The following HAL variants were observed in gnomAD, a reference collection of about 807,000 sequenced individuals.
The protein encoded by HAL is histidine ammonia-lyase.
HAL carries 85 observed loss-of-function variants against 81.1 expected under a neutral mutation model. That is an observed-to-expected ratio of 1.05 (90% CI 0.88 to 1.25). The LOEUF (loss-of-function observed/expected upper bound fraction) is 1.25, where lower values mean the gene tolerates loss of function less well. Ranked by LOEUF, HAL falls within the 50% of genes most tolerant of loss-of-function variation. The pLI, the probability that HAL is intolerant of heterozygous loss-of-function variation, is 0.00. For missense variants in HAL, 798 were observed against 836.6 expected, an observed-to-expected ratio of 0.95 and a Z score of 0.57; for synonymous variants, 301 against 309.2, an observed-to-expected ratio of 0.97 and a Z score of 0.28.
intron 4 of HAL, 110 bp from the exon 5 acceptor site, chr12:95,994,274 G>A (rs17024981): frequency 0.086 from 69,809 of 808,262 alleles, 4,847 homozygotes; most frequent in East Asian, 0.3. Context: ...TGATCATTGC[G>A]TGAAACATGA....
intron 9 of HAL, among the ~76,000 whole-genome samples, chr12:95,991,201 A>G (rs1411104687): frequency 3.9e-5 from 6 of 152,236 alleles, no homozygotes. Context: ...TTCCACTTGT[A>G]GAAATTTTAG....
intron 20 of HAL, among the ~76,000 whole-genome samples, chr12:95,974,830 T>A (rs565225225): frequency 7.2e-4 from 110 of 152,200 alleles, no homozygotes; most frequent in African/African-American, 2.5e-3. Context: ...ACCTCCACCT[T>A]CCAGGTTCAA....
At chr12:95,980,469 C>T in intron 17 of HAL, 87 bp downstream of exon 17, 1 of 1,296,316 alleles carries the variant, frequency 7.7e-7, no homozygotes, top group Admixed American at 1.7e-5. Flanking sequence ...AGATCTCACT[C>T]ACAGACCACA....
intron 20 of HAL, chr12:95,976,142 A>G (rs2080716056): frequency 4.6e-6 from 2 of 436,042 alleles, no homozygotes; most frequent in Admixed American, 3.4e-5. Context: ...GGAGGCATCA[A>G]TGAACCTGAC....
intron 2 of HAL, 138 bp from the exon 3 acceptor site, chr12:95,995,131 G>A (rs1311720750): frequency 5.4e-6 from 4 of 736,106 alleles, no homozygotes; most frequent in Non-Finnish European, 2.5e-6. Flanking sequence ...ATGGTTTCAT[G>A]TGGTCTTAGC....
chr12:95,976,741 A>T (rs1565984696), intron 18 of HAL, 35 bp from the exon 19 acceptor site: 1 of 1,320,812 alleles, frequency 7.6e-7, no homozygotes, highest in South Asian at 1.2e-5. Flanking sequence ...TAGCTTATGA[A>T]AGTCTGACTT....
Position 95,974,327 on chromosome 12 carries a change from G to C in HAL, c.1879C>G (p.His627Asp). 6.2e-7 allele frequency: 1 copy of C among 1,611,852 alleles called. No individual in the cohort carries two copies. Among genetic ancestry groups the C allele is most frequent in the African/African-American group, 1.3e-5 (1 of 74,978 alleles). The change falls in exon 21 of 21, where the codon CAT becomes GAT. Residue 627 changes from histidine to aspartate, a missense_variant. His to Asp is a moderately conservative substitution (Grantham distance 81). Transcript: ENST00000261208. The stretch of plus-strand genomic sequence containing the variant: ...GAAAGAGGTCTTGATTCTGGAATAT[G>C]CTCCATTCTGTATTTTTCAATGTAT... ...APYIEKYRME[H>D]IPESRPLSPT...
chr12:95,995,047 C>G, intron 2 of HAL, 54 bp from the exon 3 acceptor site: 2 of 1,333,496 alleles, frequency 1.5e-6, no homozygotes, highest in Non-Finnish European at 2.2e-6. Flanking sequence ...GCCATGTTCC[C>G]CCTGTTAAAC....
In HAL at chr12:95,974,258, T is replaced by C. The variant is rs755949907; in HGVS notation, c.1948A>G (p.Lys650Glu). 30 of 1,613,992 alleles carry C rather than the reference T, an allele frequency of 1.9e-5. No individual in the cohort carries two copies. The highest frequency in any genetic ancestry group is 1.8e-5 in the Non-Finnish European group (21 of 1,179,956). Residue 650 changes from lysine to glutamate, a missense_variant, in exon 21 of 21, where the codon AAA (lysine) becomes GAA (glutamate). Lys to Glu is a moderately conservative substitution (Grantham distance 56). Transcript: ENST00000261208. ...TAAAGGTCCTCAGACTCCGGGATTT[T>C]GGTGGATTTCTTGTGCAGAAATTGC... Reference protein sequence around the residue: ...SLQFLHKKSTKIPESEDL With the variant: ...SLQFLHKKSTEIPESEDL
In HAL at chr12:95,980,541, G is replaced by T; in HGVS notation, c.1519+15C>A. On this transcript the variant is annotated intron_variant, in intron 17 of 20. Coordinates refer to ENST00000261208, the MANE Select transcript of HAL (RefSeq NM_002108.4). ...TGGACGGGCGTGTGTTCTGGGAAAG[G>T]GGCAGTGTCCTTACCAAGGGCTGCT... is the stretch of plus-strand genomic sequence containing the variant. 1 of 1,611,086 alleles carries T rather than the reference G, an allele frequency of 6.2e-7. No individual in the cohort carries two copies. Among genetic ancestry groups the T allele is most frequent in the Non-Finnish European group, 8.5e-7 (1 of 1,178,436 alleles).
At chr12:95,980,400 G>C (rs2080776041) in intron 17 of HAL, among the ~76,000 whole-genome samples, 156 bp downstream of exon 17, 1 of 152,164 alleles carries the variant, frequency 6.6e-6, no homozygotes, top group South Asian at 2.1e-4. Context: ...AAATATTAGA[G>C]TTAACCTGTT....
chr12:95,978,606 C>T (rs1250770537), intron 17 of HAL, among the ~76,000 whole-genome samples: 1 of 152,134 alleles, frequency 6.6e-6, no homozygotes, highest in African/African-American at 2.4e-5. Context: ...AGGACCAAGA[C>T]ATGGGACTCT....
At chr12:95,995,554 G>A (rs1565995512) in intron 2 of HAL, 110 bp downstream of exon 2, 3 of 1,487,454 alleles carry the variant, frequency 2.0e-6, no homozygotes, top group Non-Finnish European at 2.8e-6. Context: ...GGCCAGCCTC[G>A]GCAAGCCTGA....
At chr12:95,993,870 T>C (rs1402056731) in intron 6 of HAL, 32 bp from the exon 7 acceptor site, 1 of 1,478,422 alleles carries the variant, frequency 6.8e-7, no homozygotes, top group South Asian at 1.1e-5. Context: ...TGCAATTAAA[T>C]GCAGGGATTT....
In HAL at chr12:95,996,074, G is replaced by A. The variant is rs1004640682; in HGVS notation, c.-82+4C>T. On this transcript the variant is annotated splice_donor_region_variant and intron_variant, in intron 1 of 20. Transcript: ENST00000261208. ...ATGCATTGGACAAATATTTATTGAG[G>A]TACCTGCTGTCCCTTTGGTTTTTGT... 2.1e-5 allele frequency: 15 copies of A among 729,198 alleles called. No individual in the cohort carries two copies. The highest frequency in any genetic ancestry group is 3.0e-5 in the Non-Finnish European group (13 of 427,072). 45.2% of individuals were successfully genotyped at this position (729,198 alleles called of 1,614,324 possible).
intron 20 of HAL, among the ~76,000 whole-genome samples, chr12:95,975,176 G>A (rs1429825003): frequency 6.6e-6 from 1 of 152,224 alleles, no homozygotes; most frequent in Non-Finnish European, 1.5e-5. Context: ...TGCCCCTGCA[G>A]TATCAGCATC....
At chr12:95,988,425 A>C (rs1949923490) in intron 10 of HAL, among the ~76,000 whole-genome samples, 185 bp from the exon 11 acceptor site, 1 of 152,180 alleles carries the variant, frequency 6.6e-6, no homozygotes, top group Non-Finnish European at 1.5e-5. Flanking sequence ...TTAGTCATGA[A>C]AGCAGACTTA....
Position 95,974,054 on chromosome 12 carries a change from C to G in HAL, c.*178G>C. 1.4e-6 allele frequency: 1 copy of G among 691,304 alleles called. No homozygotes were observed. Among genetic ancestry groups the G allele is most frequent in the Non-Finnish European group, 2.6e-6 (1 of 383,972 alleles). The allele number at this position is 691,304 out of a possible 1,614,324, so 42.8% of individuals were successfully genotyped here. A position where few individuals can be genotyped will look rare whatever the true frequency, so the allele number is the denominator to read the frequency against. ...GTCTTGAACCACGACAACAGGAACA[C>G]AGTGCTGAATTTAGCAACTATAATA... On this transcript the variant is annotated 3_prime_UTR_variant, in exon 21 of 21. Transcript: ENST00000261208.
intron 4 of HAL, 107 bp downstream of exon 4, chr12:95,994,691 G>A (rs1376969953): frequency 2.7e-6 from 3 of 1,123,800 alleles, no homozygotes; most frequent in Non-Finnish European, 4.1e-6. Flanking sequence ...CTCCCGGCCA[G>A]CCCTGTTCTA....
Sources: allele counts gnomAD v4.1 joint callset (sites outside exome capture counted in the v4.1 genomes callset), GRCh38; gene constraint gnomAD v4.1.1; transcripts MANE v1.5; gene names NCBI Gene and HGNC (gene_info 2026-07-23, HGNC 2026-07-21).